Variants in MAP2K5 observed in about 807,000 individuals in gnomAD.
MAP2K5 encodes the protein dual specificity mitogen-activated protein kinase kinase 5.
In MAP2K5, 49 loss-of-function variants were observed where a neutral mutation model predicts 83.1. The observed-to-expected ratio is 0.59, with a 90% CI of 0.47 to 0.75. The LOEUF is 0.75. MAP2K5 is among the 30% of genes least tolerant of loss of function. MAP2K5 has a pLI of 0.00. For missense variants in MAP2K5, 457 were observed against 557.5 expected (o/e 0.82, Z 1.82); for synonymous variants, 202 against 191.8 (o/e 1.05, Z -0.44).
intron 3 of MAP2K5, among the ~76,000 whole-genome samples, chr15:67,569,726 T>C (rs577912337): frequency 6.6e-6 from 1 of 152,216 alleles, no homozygotes; most frequent in East Asian, 1.9e-4. Context: ...TAAGCACGAG[T>C]AGGCCTCAGT....
rs778623052 is a variant in MAP2K5 at position 67,764,470 on chromosome 15, C to G, written c.1135-5132C>G. Among the ~76,000 whole-genome samples the G allele has an allele frequency of 6.6e-6, 1 of 152,206 alleles. No homozygotes were observed. Among genetic ancestry groups the G allele is most frequent in the Non-Finnish European group, 1.5e-5 (1 of 68,036 alleles). On this transcript the variant is annotated intron_variant, in intron 19 of 21. Transcript: ENST00000178640. The surrounding 1 kb of genome is among the most constrained non-coding windows in gnomAD (Gnocchi z 4.9). ...ACCAAAACCTCAGTGCCCTCCTGTT[C>G]ATCCTGAGTGCCCAGCTTTGGCAGT... is the stretch of plus-strand genomic sequence containing the variant.
rs1285443010 is a variant in MAP2K5 at position 67,724,600 on chromosome 15, C to A, written c.1045-3316C>A. Among the ~76,000 whole-genome samples the A allele has an allele frequency of 6.6e-6, 1 of 152,158 alleles. No homozygotes were observed. Among genetic ancestry groups the A allele is most frequent in the Non-Finnish European group, 1.5e-5 (1 of 68,014 alleles). On this transcript the variant is annotated intron_variant, in intron 16 of 21. Coordinates refer to ENST00000178640, the MANE Select transcript of MAP2K5 (RefSeq NM_145160.3). This position sits in a 1 kb window ranked among gnomAD's most constrained non-coding sequence, Gnocchi z 4.4. ...CTCGTTCTTCATGCAGCCATATCTACTAAGAAACCATTTTCTTTTTTACCT... is the reference window on the plus strand; with the variant it reads ...CTCGTTCTTCATGCAGCCATATCTAATAAGAAACCATTTTCTTTTTTACCT...
At chr15:67,753,705 T>C (rs2089772684) in intron 19 of MAP2K5, among the ~76,000 whole-genome samples, 1 of 151,608 alleles carries the variant, frequency 6.6e-6, no homozygotes, top group African/African-American at 2.4e-5. Context: ...AAAATAACAA[T>C]TGGTGACAAG....
chr15:67,681,532 T>C (rs1349812388), intron 13 of MAP2K5, among the ~76,000 whole-genome samples: 1 of 152,078 alleles, frequency 6.6e-6, no homozygotes, highest in Non-Finnish European at 1.5e-5. Context: ...TCTTTTAAAA[T>C]GAAAAAAGGA....
rs2141104122 is a variant in MAP2K5 at position 67,638,299 on chromosome 15, A to G, written c.585+7372A>G. Among the ~76,000 whole-genome samples the G allele has an allele frequency of 6.6e-6, 1 of 152,154 alleles. No individual in the cohort carries two copies. Among genetic ancestry groups the G allele is most frequent in the Non-Finnish European group, 1.5e-5 (1 of 68,012 alleles). ...CATGTGTTCTCATAAGTTAGCTCCC[A>G]CTTATAAGTGAGAACATGTGGTATT... On this transcript the variant is annotated intron_variant, in intron 9 of 21. Transcript: ENST00000178640. The surrounding 1 kb of genome is among the most constrained non-coding windows in gnomAD (Gnocchi z 4.5).
In MAP2K5 at chr15:67,775,585, C is replaced by T. The variant is rs2090223495; in HGVS notation, c.1242+2833C>T. Among the ~76,000 whole-genome samples the T allele has an allele frequency of 6.6e-6, 1 of 152,182 alleles. No individual in the cohort carries two copies. Among genetic ancestry groups the T allele is most frequent in the South Asian group, 2.1e-4 (1 of 4,822 alleles). On this transcript the variant is annotated intron_variant, in intron 21 of 21. Transcript: ENST00000178640. This position sits in a 1 kb window ranked among gnomAD's most constrained non-coding sequence, Gnocchi z 5.3. ...AGCAGAAGATATAAAGTAGAGGAAG[C>T]CACACAGATAATCTTTTGGAGCTAT...
rs2090270596 is a variant in MAP2K5, at chr15:67,778,149, A to ATT, written c.1242+5397_1242+5398insTT. Among the ~76,000 whole-genome samples the ATT allele has an allele frequency of 6.6e-6, 1 of 152,222 alleles. No individual in the cohort carries two copies. ...AAACTGCTCTAGAAAAATCTGTTTAAACATTTAATTACTTACTAAGAGATG... is the reference window on the plus strand; with the variant it reads ...AAACTGCTCTAGAAAAATCTGTTTAATTACATTTAATTACTTACTAAGAGATG... On this transcript the variant is annotated intron_variant, in intron 21 of 21. Transcript: ENST00000178640. This position sits in a 1 kb window ranked among gnomAD's most constrained non-coding sequence, Gnocchi z 5.0.
intron 13 of MAP2K5, among the ~76,000 whole-genome samples, chr15:67,683,015 C>T (rs1246124129): frequency 2.0e-5 from 3 of 151,942 alleles, no homozygotes. Context: ...GTGGCAGTCT[C>T]CTGTAATCTC....
Position 67,778,394 on chromosome 15 carries a change from C to T in MAP2K5, c.1242+5642C>T, listed in dbSNP as rs146092530. Among the ~76,000 whole-genome samples the T allele has an allele frequency of 2.8e-4, 43 of 152,310 alleles. No individual in the cohort carries two copies. The highest frequency in any genetic ancestry group is 9.6e-4 in the African/African-American group (40 of 41,578). The stretch of plus-strand genomic sequence containing the variant: ...ACTCAAATTCCAGTGTGACTTTGGG[C>T]TTCACACCAAATGGCTTTGTTTCAT... On this transcript the variant is annotated intron_variant, in intron 21 of 21. Transcript: ENST00000178640. This position sits in a 1 kb window ranked among gnomAD's most constrained non-coding sequence, Gnocchi z 5.0.
rs147456996 is a variant in MAP2K5, at chr15:67,721,361, G to A, written c.1045-6555G>A. 1.3e-3 allele frequency among the ~76,000 whole-genome samples: 204 copies of A among 152,186 alleles called. 2 individuals are homozygous for A. The highest frequency in any genetic ancestry group is 4.8e-3 in the African/African-American group (201 of 41,526). On this transcript the variant is annotated intron_variant, in intron 16 of 21. Coordinates refer to ENST00000178640, the MANE Select transcript of MAP2K5 (RefSeq NM_145160.3). ...ACTTTGGTGAGGACAAGTAGTTGTTGTTTTTTGTTTTGGTTTTAATATTGG... is the reference window on the plus strand; with the variant it reads ...ACTTTGGTGAGGACAAGTAGTTGTTATTTTTTGTTTTGGTTTTAATATTGG...
intron 13 of MAP2K5, among the ~76,000 whole-genome samples, chr15:67,667,230 TTTAA>T (rs2087403211): frequency 6.6e-6 from 1 of 152,226 alleles, no homozygotes; most frequent in Non-Finnish European, 1.5e-5. Flanking sequence ...CAAAAAGCTA[TTTAA>T]TTTTCTTCTT....
intron 6 of MAP2K5, among the ~76,000 whole-genome samples, chr15:67,589,781 GTA>G (rs1024819679): frequency 3.1e-4 from 13 of 42,116 alleles, no homozygotes; most frequent in South Asian, 1.1e-3. Context: ...GTGTGTGTGT[GTA>G]TGTGTGTGTG....
At position 67,690,369 on chromosome 15, in the gene MAP2K5, G is replaced by A. The variant is rs2088074714; in HGVS notation, c.848-2110G>A. On this transcript the variant is annotated intron_variant, in intron 13 of 21. Transcript: ENST00000178640. This position sits in a 1 kb window ranked among gnomAD's most constrained non-coding sequence, Gnocchi z 4.3. ...GAATTCATGTTCTGGTTGGTGGGGG[G>A]CATGTCAGAGAATACTTAACCTCCT... is the stretch of plus-strand genomic sequence containing the variant. 2.6e-5 allele frequency among the ~76,000 whole-genome samples: 4 copies of A among 152,090 alleles called. No homozygotes were observed. Among genetic ancestry groups the A allele is most frequent in the Admixed American group, 2.6e-4 (4 of 15,266 alleles).
chr15:67,560,316 C>G (rs970542645), intron 2 of MAP2K5, among the ~76,000 whole-genome samples: 1 of 152,182 alleles, frequency 6.6e-6, no homozygotes, highest in African/African-American at 2.4e-5. Flanking sequence ...GGTATGGTTA[C>G]TTTTCTAACT....
rs2089805486 is a variant in MAP2K5 at position 67,755,049 on chromosome 15, A to G, written c.1134+6448A>G. ...GTGTGCAGTGGCACAATCTTGGCTC[A>G]CTGCAACCTCCGCCTCCTGGGTTCA... On this transcript the variant is annotated intron_variant, in intron 19 of 21. Transcript: ENST00000178640. The surrounding 1 kb of genome is among the most constrained non-coding windows in gnomAD (Gnocchi z 4.7). 1.3e-5 allele frequency among the ~76,000 whole-genome samples: 2 copies of G among 152,120 alleles called. No homozygotes were observed.
chr15:67,625,506 G>A (rs1264923473), intron 8 of MAP2K5, among the ~76,000 whole-genome samples: 6 of 152,186 alleles, frequency 3.9e-5, no homozygotes, highest in Non-Finnish European at 8.8e-5. Flanking sequence ...GTGTATAGTT[G>A]TCTTTTGGTG....
chr15:67,756,052 C>A (rs938733018), intron 19 of MAP2K5, among the ~76,000 whole-genome samples: 1 of 152,212 alleles, frequency 6.6e-6, no homozygotes, highest in Admixed American at 6.5e-5. Flanking sequence ...CATCTCTCCC[C>A]CACACTAGGG....
intron 21 of MAP2K5, among the ~76,000 whole-genome samples, chr15:67,792,874 G>A (rs62015223): frequency 0.092 from 14,056 of 152,214 alleles, 762 homozygotes; most frequent in Admixed American, 0.11. Context: ...GTCTGTCCCC[G>A]TGAGATCACA....
At position 67,674,301 on chromosome 15, in the gene MAP2K5, A is replaced by G. The variant is rs371917873; in HGVS notation, c.847+9656A>G. ...CTGAGCTCTCAGGCTGTTTAATCAG[A>G]TGGGTCTGGAAGGAGGCATTTATGT... On this transcript the variant is annotated intron_variant, in intron 13 of 21. Transcript: ENST00000178640. Among the ~76,000 whole-genome samples, 261 of 152,196 alleles carry G rather than the reference A, an allele frequency of 1.7e-3. 2 individuals carry two copies. The highest frequency in any genetic ancestry group is 6.1e-3 in the African/African-American group (252 of 41,520).
Sources: allele counts gnomAD v4.1 joint callset (sites outside exome capture counted in the v4.1 genomes callset), GRCh38; gene constraint gnomAD v4.1.1; non-coding constraint Gnocchi (gnomAD v3.1); transcripts MANE v1.5; gene names NCBI Gene and HGNC (gene_info 2026-07-23, HGNC 2026-07-21).